RBFOX1: variants seen among roughly 807,000 people sequenced by gnomAD.
RBFOX1 encodes RNA binding fox-1 homolog 1, also known as RNA binding protein fox-1 homolog 1.
Under a neutral mutation model 57.7 loss-of-function variants are expected in RBFOX1, and 8 were observed. The observed-to-expected ratio is 0.14, with a 90% CI of 0.08 to 0.25. RBFOX1 has a LOEUF of 0.25. Ranked by LOEUF, RBFOX1 falls within the 10% of genes least tolerant of loss-of-function variation. The probability of loss-of-function intolerance (pLI) is 1.00; values close to 1 mark genes in which losing one functional copy is unlikely to be tolerated. For missense variants in RBFOX1, 611 were observed against 548.5 expected (o/e 1.11, Z -1.14); for synonymous variants, 326 against 222.4 (o/e 1.47, Z -4.15).
At chr16:5,808,028 C>A (rs1358415788) in intron 3 of RBFOX1, among the ~76,000 whole-genome samples, 1 of 152,166 alleles carries the variant, frequency 6.6e-6, no homozygotes, top group South Asian at 2.1e-4. Context: ...TCCTTCTATG[C>A]CTGAATCCTA....
chr16:7,433,779 CAGCCAGCCAGCCAGACAGCT>C (rs1298423221), intron 4 of RBFOX1, among the ~76,000 whole-genome samples: 1 of 152,112 alleles, frequency 6.6e-6, no homozygotes, highest in Non-Finnish European at 1.5e-5. Context: ...ACTATCCATC[CAGCCAGCCAGCCAGACAGCT>C]AGCCAGCCAG....
At chr16:5,847,520 G>A (rs1189763239) in intron 3 of RBFOX1, among the ~76,000 whole-genome samples, 2 of 152,188 alleles carry the variant, frequency 1.3e-5, no homozygotes, top group Non-Finnish European at 2.9e-5. Flanking sequence ...AGTTTTCAGG[G>A]TCTTACCAAA....
intron 3 of RBFOX1, among the ~76,000 whole-genome samples, chr16:6,937,546 T>A (rs944827236): frequency 1.6e-4 from 24 of 152,122 alleles, no homozygotes; most frequent in African/African-American, 5.8e-4. Context: ...CCCATAGTGG[T>A]CAAGGCACAG....
intron 1 of RBFOX1, among the ~76,000 whole-genome samples, chr16:5,388,172 G>C (rs1250159855): frequency 6.6e-6 from 1 of 152,174 alleles, no homozygotes; most frequent in African/African-American, 2.4e-5. Context: ...CCACTAATTT[G>C]CATGAATTTG....
intron 2 of RBFOX1, among the ~76,000 whole-genome samples, chr16:5,502,260 G>A (rs1482598537): frequency 6.6e-6 from 1 of 152,106 alleles, no homozygotes; most frequent in Non-Finnish European, 1.5e-5. Context: ...AGAACGGCAG[G>A]GATGCCTTTC....
At chr16:5,689,571 G>T (rs983201860) in intron 3 of RBFOX1, among the ~76,000 whole-genome samples, 3 of 152,130 alleles carry the variant, frequency 2.0e-5, no homozygotes, top group Non-Finnish European at 4.4e-5. Flanking sequence ...GACTTTTTGG[G>T]ACCTTAGAAT....
intron 4 of RBFOX1, among the ~76,000 whole-genome samples, chr16:5,956,678 A>ATTTTTTTTTTTTTT (rs34743228): frequency 2.6e-5 from 3 of 116,480 alleles, no homozygotes; most frequent in East Asian, 4.7e-4. Flanking sequence ...ATATATATAT[A>ATTTTTTTTTTTTTT]TTTTTTTTGA....
intron 4 of RBFOX1, among the ~76,000 whole-genome samples, chr16:7,479,216 C>T (rs137892400): frequency 0.01 from 1,546 of 150,478 alleles, 13 homozygotes; most frequent in Non-Finnish European, 0.016. Context: ...TTCTGCCTCC[C>T]GAGTTGAGGC....
chr16:7,068,771 C>G (rs865816416), intron 4 of RBFOX1, among the ~76,000 whole-genome samples: 1 of 151,982 alleles, frequency 6.6e-6, no homozygotes, highest in African/African-American at 2.4e-5. Flanking sequence ...GTATTTTTAG[C>G]AGAGATGGAG....
chr16:6,487,673 TAAAAAAAAAAAAAAAAAAA>T (rs777856402), intron 2 of RBFOX1, among the ~76,000 whole-genome samples: 13 of 38,754 alleles, frequency 3.4e-4, no homozygotes, highest in Admixed American at 1.2e-3. Context: ...GTGATATATG[TAAAAAAAAAAAAAAAAAAA>T]AAAAAAAAAT....
intron 13 of RBFOX1, among the ~76,000 whole-genome samples, chr16:7,674,849 A>T (rs1377261250): frequency 6.6e-6 from 1 of 152,206 alleles, no homozygotes; most frequent in African/African-American, 2.4e-5. Flanking sequence ...TCTTCCATTG[A>T]CTGAAACTAA....
At position 5,788,713 on chromosome 16, in the gene RBFOX1, C is replaced by T. The variant is rs547769117; in HGVS notation, c.319-78590C>T. On this transcript the variant is annotated intron_variant, in intron 3 of 19. Transcript: ENST00000641259. The stretch of plus-strand genomic sequence containing the variant: ...ATTTAGCAAACTGTGAGCTCCTCAG[C>T]GAGTGTAAGACACACACATACACAT... Among the ~76,000 whole-genome samples, 3 of 152,176 alleles carry T rather than the reference C, an allele frequency of 2.0e-5. No individual in the cohort carries two copies. The South Asian group carries it at 6.2e-4, about 32-fold the overall frequency.
chr16:7,209,749 T>A (rs1474812315), intron 4 of RBFOX1, among the ~76,000 whole-genome samples: 3 of 152,210 alleles, frequency 2.0e-5, no homozygotes, highest in African/African-American at 4.8e-5. Context: ...AGGAGTCTTG[T>A]CTGAGTCATC....
chr16:7,429,469 T>C (rs1374829660), intron 4 of RBFOX1, among the ~76,000 whole-genome samples: 1 of 152,238 alleles, frequency 6.6e-6, no homozygotes. Flanking sequence ...CACTGTACTT[T>C]TCCTTCATCA....
intron 4 of RBFOX1, among the ~76,000 whole-genome samples, chr16:5,993,124 C>A (rs2060430046): frequency 6.6e-6 from 1 of 152,134 alleles, no homozygotes; most frequent in Non-Finnish European, 1.5e-5. Context: ...ACGGAACAAG[C>A]CATGTCCTCA....
At chr16:6,634,214 C>T (rs1461273802) in intron 2 of RBFOX1, among the ~76,000 whole-genome samples, 3 of 152,122 alleles carry the variant, frequency 2.0e-5, no homozygotes, top group East Asian at 3.9e-4. Flanking sequence ...GTTGTGTGCT[C>T]ATTCACTCTT....
intron 4 of RBFOX1, among the ~76,000 whole-genome samples, chr16:7,057,447 C>T (rs990680339): frequency 3.3e-5 from 5 of 152,186 alleles, no homozygotes; most frequent in Non-Finnish European, 7.3e-5. Flanking sequence ...GATAAAGACT[C>T]CCTCTACCTT....
chr16:5,608,311 G>A (rs750040246), intron 3 of RBFOX1, among the ~76,000 whole-genome samples: 5 of 152,204 alleles, frequency 3.3e-5, no homozygotes, highest in African/African-American at 4.8e-5. Flanking sequence ...CTCTGTTTCC[G>A]TAACAGCAGC....
At chr16:6,496,125 G>A (rs1448484132) in intron 2 of RBFOX1, among the ~76,000 whole-genome samples, 7 of 151,912 alleles carry the variant, frequency 4.6e-5, no homozygotes, top group Non-Finnish European at 7.4e-5. Context: ...TGTAGAAAAC[G>A]GTCAGGGGAA....
Sources: allele counts gnomAD v4.1 joint callset (sites outside exome capture counted in the v4.1 genomes callset), GRCh38; gene constraint gnomAD v4.1.1; transcripts MANE v1.5; gene names NCBI Gene and HGNC (gene_info 2026-07-23, HGNC 2026-07-21).